Variants in SMIM10L3 observed in about 807,000 individuals in gnomAD.
The protein encoded by SMIM10L3 is small integral membrane protein 10 like 3, also known as salivary gland specific protein SAGSIN1.
the SMIM10L3 span, chr7:6,330,617 C>G: frequency 6.2e-7 from 1 of 1,614,108 alleles, no homozygotes; most frequent in African/African-American, 1.3e-5. Context: ...AACTCAGAGC[C>G]CAGACCCTTG....
chr7:6,344,567 C>T, the SMIM10L3 span, among the ~76,000 whole-genome samples: 1 of 151,954 alleles, frequency 6.6e-6, no homozygotes, highest in East Asian at 1.9e-4. Flanking sequence ...TATAGGCATG[C>T]ACCACCACGC....
chr7:6,330,612 A>G, the SMIM10L3 span: 1 of 1,614,172 alleles, frequency 6.2e-7, no homozygotes. Flanking sequence ...GTTCCAACTC[A>G]GAGCCCAGAC....
the SMIM10L3 span, chr7:6,348,864 C>CT: frequency 1.5e-5 from 6 of 389,502 alleles, no homozygotes; most frequent in African/African-American, 1.2e-4. Flanking sequence ...GAGGCGGCGG[C>CT]TAGACCGGCG....
the SMIM10L3 span, chr7:6,341,800 C>A: frequency 6.6e-6 from 1 of 151,842 alleles, no homozygotes; most frequent in Non-Finnish European, 1.5e-5. Flanking sequence ...GGGTTCAAGA[C>A]CAGCCTGGCC....
chr7:6,331,102 G>A, the SMIM10L3 span: 1 of 1,613,362 alleles, frequency 6.2e-7, no homozygotes, highest in Non-Finnish European at 8.5e-7. Flanking sequence ...ACCTCCTCCG[G>A]CCTGCTGCAC....
chr7:6,346,847 A>G, the SMIM10L3 span, among the ~76,000 whole-genome samples: 7 of 152,170 alleles, frequency 4.6e-5, no homozygotes, highest in Admixed American at 2.0e-4. Context: ...TGGTGGTTCT[A>G]CTGCTCAGAC....
At chr7:6,346,751 G>A in the SMIM10L3 span, among the ~76,000 whole-genome samples, 1 of 152,072 alleles carries the variant, frequency 6.6e-6, no homozygotes, top group African/African-American at 2.4e-5. Flanking sequence ...CCTGTGTCAG[G>A]CACCAGCCAC....
chr7:6,340,698 G>C, the SMIM10L3 span, among the ~76,000 whole-genome samples: 1 of 151,934 alleles, frequency 6.6e-6, no homozygotes, highest in Non-Finnish European at 1.5e-5. Flanking sequence ...AGGAGATCGA[G>C]ACCATCCTGG....
chr7:6,348,881 C>T, the SMIM10L3 span: 2 of 388,254 alleles, frequency 5.2e-6, no homozygotes, highest in African/African-American at 4.2e-5. Flanking sequence ...GGCGGGCGGG[C>T]GGGCCGCAGT....
chr7:6,331,115 G>C, the SMIM10L3 span: 3 of 1,613,166 alleles, frequency 1.9e-6, no homozygotes, highest in Admixed American at 1.7e-5. Context: ...TGCTGCACTT[G>C]TGCCAGGCAG....
At chr7:6,347,388 C>T in the SMIM10L3 span, among the ~76,000 whole-genome samples, 1 of 151,872 alleles carries the variant, frequency 6.6e-6, no homozygotes, top group African/African-American at 2.4e-5. Flanking sequence ...TGGTGGCGGG[C>T]ACCTGTAGTC....
At chr7:6,338,550 C>G in the SMIM10L3 span, 1 of 152,254 alleles carries the variant, frequency 6.6e-6, no homozygotes, top group Non-Finnish European at 1.5e-5. Context: ...CCAAAGATGA[C>G]AAAAGCTGAA....
chr7:6,348,957 C>A, the SMIM10L3 span: 1 of 377,374 alleles, frequency 2.6e-6, no homozygotes, highest in East Asian at 3.9e-5. Context: ...ACCAGCCTGG[C>A]CGCGCAGCCT....
chr7:6,340,465 C>T, the SMIM10L3 span, among the ~76,000 whole-genome samples: 2 of 152,150 alleles, frequency 1.3e-5, no homozygotes, highest in Non-Finnish European at 2.9e-5. Context: ...CCGTGCCATA[C>T]CTGGAGTCGG....
the SMIM10L3 span, among the ~76,000 whole-genome samples, chr7:6,335,882 TAA>T: frequency 3.3e-5 from 5 of 150,910 alleles, no homozygotes; most frequent in Admixed American, 6.6e-5. Flanking sequence ...AAAAAAATTT[TAA>T]AAGAGTGGCC....
At chr7:6,337,000 A>C in the SMIM10L3 span, among the ~76,000 whole-genome samples, 1 of 152,210 alleles carries the variant, frequency 6.6e-6, no homozygotes, top group Admixed American at 6.5e-5. Flanking sequence ...AAATGTGCTA[A>C]GTATGAACAT....
the SMIM10L3 span, among the ~76,000 whole-genome samples, chr7:6,347,930 G>C: frequency 9.6e-6 from 1 of 103,632 alleles, no homozygotes; most frequent in Admixed American, 9.7e-5. Flanking sequence ...TTATTATTGA[G>C]ATGGAGTTTC....
At chr7:6,334,469 C>G in the SMIM10L3 span, among the ~76,000 whole-genome samples, 4 of 151,858 alleles carry the variant, frequency 2.6e-5, no homozygotes, top group Admixed American at 6.6e-5. Context: ...CCCAGAGGCT[C>G]TGTCTCAAAA....
chr7:6,348,819 A>G, the SMIM10L3 span: 1 of 394,810 alleles, frequency 2.5e-6, no homozygotes, highest in East Asian at 3.6e-5. Context: ...TCGCCCCGGC[A>G]GCTGACCCTC....
Sources: gnomAD v4.1 joint callset for allele counts (sites outside exome capture counted in the v4.1 genomes callset) on GRCh38, gnomAD v4.1.1 for gene constraint, MANE v1.5 for transcripts, NCBI Gene and HGNC (gene_info 2026-07-23, HGNC 2026-07-21) for gene names.